Variants in COMMD1 observed in about 807,000 individuals in gnomAD.
COMMD1 encodes copper metabolism domain containing 1.
COMMD1 carries 10 observed loss-of-function variants against 17.2 expected under a neutral mutation model. The ratio of observed to expected loss-of-function variants is 0.58; its 90% CI spans 0.36 to 0.99. The LOEUF (loss-of-function observed/expected upper bound fraction) is 0.99. Among genes scored for constraint, COMMD1 ranks in the 50% least tolerant of loss-of-function variants. COMMD1 has a pLI of 0.01. For synonymous variants in COMMD1, 97 were observed against 91.6 expected, an observed-to-expected ratio of 1.06 and a Z score of -0.34; for missense variants, 270 against 231.8, an observed-to-expected ratio of 1.17 and a Z score of -1.07.
At chr2:61,930,952 C>T (rs1174370620) in intron 1 of COMMD1, among the ~76,000 whole-genome samples, 1 of 151,788 alleles carries the variant, frequency 6.6e-6, no homozygotes, top group Non-Finnish European at 1.5e-5. Context: ...TATATATGCT[C>T]GAACTCATGG....
At chr2:62,071,948 G>A (rs1245244196) in intron 2 of COMMD1, among the ~76,000 whole-genome samples, 1 of 151,448 alleles carries the variant, frequency 6.6e-6, no homozygotes, top group Middle Eastern at 3.2e-3. Flanking sequence ...CCCATGCAAG[G>A]CAAGTGTTAA....
intron 1 of COMMD1, among the ~76,000 whole-genome samples, chr2:61,985,041 C>CTTTTTTTTTTTTTTTTTTTTTT (rs61613631): frequency 1.5e-5 from 2 of 134,206 alleles, no homozygotes; most frequent in Non-Finnish European, 3.2e-5. Context: ...CTATGTGTGT[C>CTTTTTTTTTTTTTTTTTTTTTT]TTTTTTTTTT....
chr2:62,104,633 C>CAAACAAA (rs1672275584), intron 2 of COMMD1, among the ~76,000 whole-genome samples: 1 of 76,750 alleles, frequency 1.3e-5, no homozygotes, highest in African/African-American at 5.1e-5. Flanking sequence ...GACTCCGTCT[C>CAAACAAA]AAAAAAAAAA....
chr2:62,101,962 C>CTA (rs1177505907), intron 2 of COMMD1, among the ~76,000 whole-genome samples: 1 of 152,012 alleles, frequency 6.6e-6, no homozygotes, highest in East Asian at 1.9e-4. Context: ...GAAGGTCAGC[C>CTA]TATAGTACTG....
chr2:62,083,928 A>G (rs1671592072), intron 2 of COMMD1, among the ~76,000 whole-genome samples: 1 of 152,212 alleles, frequency 6.6e-6, no homozygotes, highest in Admixed American at 6.5e-5. Flanking sequence ...ACCACTCATC[A>G]ATGAACACAT....
At chr2:62,118,363 C>G (rs556502095) in intron 2 of COMMD1, 1 of 152,166 alleles carries the variant, frequency 6.6e-6, no homozygotes, top group African/African-American at 2.4e-5. Flanking sequence ...TGAACAAAGG[C>G]CCCAGCAACC....
chr2:61,913,699 G>A (rs1669971741), intron 1 of COMMD1, among the ~76,000 whole-genome samples: 1 of 150,720 alleles, frequency 6.6e-6, no homozygotes, highest in African/African-American at 2.4e-5. Context: ...AGGAGGCTGG[G>A]GCAGGAGAAT....
At chr2:62,018,934 C>T (rs1204831901) in intron 2 of COMMD1, among the ~76,000 whole-genome samples, 1 of 152,136 alleles carries the variant, frequency 6.6e-6, no homozygotes, top group African/African-American at 2.4e-5. Context: ...GCCTTGAATA[C>T]TGCATCCTCC....
At chr2:62,094,814 T>C (rs1671954345) in intron 2 of COMMD1, among the ~76,000 whole-genome samples, 1 of 152,198 alleles carries the variant, frequency 6.6e-6, no homozygotes, top group South Asian at 2.1e-4. Context: ...TTGGCTGTAG[T>C]CTCAATACAA....
intron 2 of COMMD1, among the ~76,000 whole-genome samples, chr2:62,001,420 C>A (rs1291827719): frequency 6.6e-6 from 1 of 152,142 alleles, no homozygotes. Context: ...ATACATTGTT[C>A]GTAAAGACCC....
chr2:62,033,846 G>C (rs1006829915), intron 2 of COMMD1, among the ~76,000 whole-genome samples: 1 of 151,572 alleles, frequency 6.6e-6, no homozygotes, highest in African/African-American at 2.4e-5. Flanking sequence ...ACAGTGGCTT[G>C]TGCCTGTGAT....
intron 2 of COMMD1, among the ~76,000 whole-genome samples, chr2:62,085,392 T>C (rs1483343200): frequency 6.6e-6 from 1 of 152,014 alleles, no homozygotes; most frequent in African/African-American, 2.4e-5. Context: ...TAATTTTTTG[T>C]ATTTTTAGTA....
At chr2:61,900,017 G>T (rs1360412233) in intron 1 of COMMD1, among the ~76,000 whole-genome samples, 1 of 152,112 alleles carries the variant, frequency 6.6e-6, no homozygotes, top group African/African-American at 2.4e-5. Flanking sequence ...TCTTGTGAAG[G>T]TTAATTAGAG....
chr2:61,976,440 A>T (rs1248072770), intron 1 of COMMD1, among the ~76,000 whole-genome samples: 2 of 152,220 alleles, frequency 1.3e-5, no homozygotes, highest in Non-Finnish European at 2.9e-5. Flanking sequence ...TTACACAATG[A>T]TAAAGAGGTC....
At chr2:61,896,824 T>C (rs958998530) in intron 1 of COMMD1, among the ~76,000 whole-genome samples, 1 of 151,578 alleles carries the variant, frequency 6.6e-6, no homozygotes, top group Non-Finnish European at 1.5e-5. Flanking sequence ...CTTTTCTTTT[T>C]TTTTTTTTTT....
At chr2:62,069,856 T>C (rs914233836) in intron 2 of COMMD1, 2 of 152,280 alleles carry the variant, frequency 1.3e-5, no homozygotes, top group Non-Finnish European at 2.9e-5. Flanking sequence ...GGCTCTCGAT[T>C]ATTCTTGAGA....
intron 1 of COMMD1, among the ~76,000 whole-genome samples, chr2:61,921,539 G>A (rs1008741782): frequency 2.0e-5 from 3 of 152,094 alleles, no homozygotes; most frequent in African/African-American, 7.2e-5. Context: ...AGCCTCCCTG[G>A]TTCATCCCAT....
At chr2:62,135,434 T>C (rs1391095245) in intron 2 of COMMD1, among the ~76,000 whole-genome samples, 1 of 151,548 alleles carries the variant, frequency 6.6e-6, no homozygotes, top group Non-Finnish European at 1.5e-5. Context: ...CACTGCAAGC[T>C]CCGACTTTCG....
At chr2:62,111,242 C>T (rs1052249904) in intron 2 of COMMD1, among the ~76,000 whole-genome samples, 36 of 152,160 alleles carry the variant, frequency 2.4e-4, no homozygotes, top group Non-Finnish European at 4.3e-4. Flanking sequence ...CCTTTTCTCA[C>T]CCATCATAAG....
Sources: allele counts gnomAD v4.1 joint callset (sites outside exome capture counted in the v4.1 genomes callset), GRCh38; gene constraint gnomAD v4.1.1; transcripts MANE v1.5; gene names NCBI Gene and HGNC (gene_info 2026-07-23, HGNC 2026-07-21).